Variants in NRXN1 observed in about 807,000 individuals in gnomAD.
NRXN1 encodes the protein neurexin-1.
In NRXN1, 39 loss-of-function variants were observed where a neutral mutation model predicts 150.9. That is an observed-to-expected ratio of 0.26 (90% CI 0.20 to 0.34). The LOEUF (loss-of-function observed/expected upper bound fraction) is 0.34, where lower values mean the gene tolerates loss of function less well. NRXN1 is among the 10% of genes least tolerant of loss of function. NRXN1 has a pLI of 1.00. For synonymous variants in NRXN1, 924 were observed against 757.0 expected (o/e 1.22, Z -3.62); for missense variants, 1,815 against 1,949.9 (o/e 0.93, Z 1.30).
At chr2:50,811,588 G>T (rs535640716) in intron 5 of NRXN1, among the ~76,000 whole-genome samples, 1 of 152,258 alleles carries the variant, frequency 6.6e-6, no homozygotes, top group South Asian at 2.1e-4. Flanking sequence ...TGCAACCAAT[G>T]TTCTAGAGTT....
chr2:50,886,911 T>C (rs1275393637), intron 5 of NRXN1, among the ~76,000 whole-genome samples: 1 of 151,420 alleles, frequency 6.6e-6, no homozygotes, highest in Non-Finnish European at 1.5e-5. Flanking sequence ...GTGTTTCTCA[T>C]ATAAGCACAT....
chr2:50,318,974 A>G (rs901290974), intron 17 of NRXN1, among the ~76,000 whole-genome samples: 16 of 152,132 alleles, frequency 1.1e-4, no homozygotes, highest in Non-Finnish European at 2.2e-4. Flanking sequence ...ATAAAGAAAT[A>G]TTTAATATTG....
At chr2:49,939,691 T>C (rs1160943969) in intron 22 of NRXN1, among the ~76,000 whole-genome samples, 2 of 152,228 alleles carry the variant, frequency 1.3e-5, no homozygotes, top group African/African-American at 4.8e-5. Flanking sequence ...AAAGGGAAAA[T>C]AGCTTGGAAT....
At position 50,347,991 on chromosome 2, in the gene NRXN1, C is replaced by A. The variant is rs549980111; in HGVS notation, c.3365-111021G>T. On this transcript the variant is annotated intron_variant, in intron 17 of 22. Transcript: ENST00000401669. The surrounding 1 kb of genome is among the most constrained non-coding windows in gnomAD (Gnocchi z 4.9). ...CACCTAAAAAGCAACTCTCCCTCCA[C>A]CAGGTGATCCCTCCATCTGAACTAC... is the stretch of plus-strand genomic sequence containing the variant. 6.6e-6 allele frequency among the ~76,000 whole-genome samples: 1 copy of A among 152,290 alleles called. No individual in the cohort carries two copies. The highest frequency in any genetic ancestry group is 6.5e-5 in the Admixed American group (1 of 15,302).
chr2:50,792,062 T>C (rs1414131119), intron 5 of NRXN1, among the ~76,000 whole-genome samples: 2 of 152,068 alleles, frequency 1.3e-5, no homozygotes, highest in Non-Finnish European at 2.9e-5. Context: ...AACATATAAA[T>C]AAATTCAAAA....
intron 5 of NRXN1, among the ~76,000 whole-genome samples, chr2:50,864,880 C>G (rs1676655979): frequency 6.6e-6 from 1 of 151,956 alleles, no homozygotes; most frequent in South Asian, 2.1e-4. Context: ...TGCTACATCT[C>G]CAGAGATTCA....
At chr2:49,946,973 C>T (rs1673020373) in intron 21 of NRXN1, among the ~76,000 whole-genome samples, 1 of 152,094 alleles carries the variant, frequency 6.6e-6, no homozygotes, top group African/African-American at 2.4e-5. Context: ...AAAAAGAAAG[C>T]TTTAAAAGCA....
At chr2:50,198,314 G>A (rs2061908099) in intron 18 of NRXN1, among the ~76,000 whole-genome samples, 2 of 152,102 alleles carry the variant, frequency 1.3e-5, no homozygotes, top group African/African-American at 4.8e-5. Context: ...TTCATAGGAT[G>A]AGTGAGGCAC....
At chr2:50,839,397 T>C (rs1311665754) in intron 5 of NRXN1, among the ~76,000 whole-genome samples, 1 of 152,176 alleles carries the variant, frequency 6.6e-6, no homozygotes, top group Non-Finnish European at 1.5e-5. Flanking sequence ...TCAGTTATTT[T>C]AGTTAAATAG....
intron 2 of NRXN1, among the ~76,000 whole-genome samples, chr2:50,965,172 A>C (rs1412231423): frequency 6.6e-6 from 1 of 151,310 alleles, no homozygotes; most frequent in African/African-American, 2.4e-5. Flanking sequence ...ATGTATATAG[A>C]TATACGATAT....
At chr2:50,394,802 C>T (rs1167195131) in intron 17 of NRXN1, among the ~76,000 whole-genome samples, 2 of 152,046 alleles carry the variant, frequency 1.3e-5, no homozygotes, top group Non-Finnish European at 2.9e-5. Context: ...TATGAGAAGG[C>T]ATCTGGCCTC....
At chr2:50,232,373 C>CTTTCT (rs200600751) in intron 18 of NRXN1, among the ~76,000 whole-genome samples, 7 of 140,094 alleles carry the variant, frequency 5.0e-5, no homozygotes, top group Non-Finnish European at 7.5e-5. Flanking sequence ...TATTATTTTT[C>CTTTCT]TTTCTTTTCT....
At position 50,250,474 on chromosome 2, in the gene NRXN1, C is replaced by T. The variant is rs374866726; in HGVS notation, c.3365-13504G>A. 7.2e-5 allele frequency among the ~76,000 whole-genome samples: 11 copies of T among 151,886 alleles called. No individual in the cohort carries two copies. The East Asian group carries it at 9.7e-4, about 13-fold the overall frequency. ...GCGGAAGCTGATGCATTTTTAAATACCACTATGTCTTATCTCTTTGTCTCT... is the reference window on the plus strand; with the variant it reads ...GCGGAAGCTGATGCATTTTTAAATATCACTATGTCTTATCTCTTTGTCTCT... On this transcript the variant is annotated intron_variant, in intron 17 of 22. Transcript: ENST00000401669.
rs147153720 is a variant in NRXN1, at chr2:50,915,220, A to G, written c.832+6649T>C. 8.8e-3 allele frequency among the ~76,000 whole-genome samples: 1,340 copies of G among 151,768 alleles called. 21 individuals are homozygous for G. Among genetic ancestry groups the G allele is most frequent in the African/African-American group, 0.031 (1,269 of 41,498 alleles). On this transcript the variant is annotated intron_variant, in intron 5 of 22. Transcript: ENST00000401669. ...TTTCCAATATAGACACCTCAGAAATATATCTACTTAGCTTTTCCTTGAAAA... is the reference window on the plus strand; with the variant it reads ...TTTCCAATATAGACACCTCAGAAATGTATCTACTTAGCTTTTCCTTGAAAA...
chr2:51,005,364 G>A (rs1700579058), intron 2 of NRXN1, among the ~76,000 whole-genome samples: 1 of 151,940 alleles, frequency 6.6e-6, no homozygotes, highest in African/African-American at 2.4e-5. Context: ...TATGTACAAT[G>A]ATGAGCTCAA....
intron 17 of NRXN1, among the ~76,000 whole-genome samples, chr2:50,461,942 T>A (rs548563242): frequency 1.1e-3 from 174 of 152,066 alleles, no homozygotes; most frequent in African/African-American, 4.0e-3. Context: ...TGTAATGTTG[T>A]TCAGAAAGCT....
chr2:50,469,533 A>G (rs2089260036), intron 16 of NRXN1, among the ~76,000 whole-genome samples: 1 of 151,556 alleles, frequency 6.6e-6, no homozygotes, highest in Non-Finnish European at 1.5e-5. Flanking sequence ...TTTGGACTCA[A>G]ATTCCATGAC....
chr2:51,018,652 C>T (rs1038791669), intron 2 of NRXN1, among the ~76,000 whole-genome samples: 1 of 152,014 alleles, frequency 6.6e-6, no homozygotes, highest in African/African-American at 2.4e-5. Context: ...CAGAACCATA[C>T]TCTAACTCAG....
At chr2:50,747,471 A>AT (rs1700150106) in intron 5 of NRXN1, among the ~76,000 whole-genome samples, 2 of 152,038 alleles carry the variant, frequency 1.3e-5, no homozygotes, top group African/African-American at 4.8e-5. Flanking sequence ...ACAGTCAACC[A>AT]TATGTTAGAC....
Sources: gnomAD v4.1 joint callset for allele counts (sites outside exome capture counted in the v4.1 genomes callset) on GRCh38, gnomAD v4.1.1 for gene constraint, Gnocchi (gnomAD v3.1) non-coding constraint, MANE v1.5 for transcripts, NCBI Gene and HGNC (gene_info 2026-07-23, HGNC 2026-07-21) for gene names.